The following CPA6 variants were observed in gnomAD, a reference collection of about 807,000 sequenced individuals.
CPA6 encodes carboxypeptidase B.
CPA6 carries 58 observed loss-of-function variants against 63.3 expected under a neutral mutation model. The ratio of observed to expected loss-of-function variants is 0.92; its 90% CI spans 0.74 to 1.14. The LOEUF is 1.14. Among genes scored for constraint, CPA6 ranks in the 50% most tolerant of loss-of-function variants. The pLI, the probability that CPA6 is intolerant of heterozygous loss-of-function variation, is 0.00. For synonymous variants in CPA6, 185 were observed against 179.0 expected, an observed-to-expected ratio of 1.03 and a Z score of -0.27; for missense variants, 565 against 526.6, an observed-to-expected ratio of 1.07 and a Z score of -0.71.
chr8:67,726,780 C>T (rs1817604248), intron 1 of CPA6, among the ~76,000 whole-genome samples: 1 of 152,202 alleles, frequency 6.6e-6, no homozygotes, highest in South Asian at 2.1e-4. Context: ...TCCTCTGTTT[C>T]ACATCTCTCC....
intron 2 of CPA6, among the ~76,000 whole-genome samples, chr8:67,610,194 G>A (rs1356102045): frequency 6.6e-6 from 1 of 152,034 alleles, no homozygotes; most frequent in Non-Finnish European, 1.5e-5. Context: ...GGGCAACATG[G>A]AAAGACTCTG....
At chr8:67,429,873 T>G (rs1809982084) in intron 9 of CPA6, among the ~76,000 whole-genome samples, 2 of 152,198 alleles carry the variant, frequency 1.3e-5, no homozygotes, top group South Asian at 4.1e-4. Context: ...ATGCACAGTT[T>G]TAGCCTTTTG....
At chr8:67,483,154 T>C (rs1285107942) in intron 8 of CPA6, 1 of 152,576 alleles carries the variant, frequency 6.6e-6, no homozygotes, top group Non-Finnish European at 1.5e-5. Context: ...CTTTTTCTGC[T>C]GCAAGTAAAC....
intron 6 of CPA6, among the ~76,000 whole-genome samples, chr8:67,502,411 C>T (rs541228299): frequency 1.3e-5 from 2 of 152,290 alleles, no homozygotes; most frequent in South Asian, 4.1e-4. Flanking sequence ...TGCAGTGAGC[C>T]ATAATCATGC....
At chr8:67,681,191 A>AAAGAT (rs1430493992) in intron 1 of CPA6, among the ~76,000 whole-genome samples, 1 of 134,122 alleles carries the variant, frequency 7.5e-6, no homozygotes, top group Non-Finnish European at 1.5e-5. Flanking sequence ...CCAAGGTCAC[A>AAAGAT]AAGATTTTCT....
intron 1 of CPA6, among the ~76,000 whole-genome samples, chr8:67,660,729 A>G (rs566433763): frequency 5.3e-5 from 8 of 152,172 alleles, no homozygotes; most frequent in African/African-American, 1.9e-4. Context: ...AGCCTTTGGT[A>G]TTCATATCAC....
chr8:67,568,192 T>C (rs1004061412), intron 2 of CPA6, among the ~76,000 whole-genome samples: 3 of 152,158 alleles, frequency 2.0e-5, no homozygotes, highest in Non-Finnish European at 4.4e-5. Context: ...GCCAGGAAAG[T>C]TGGCTTTCTC....
chr8:67,422,797 C>A, intron 10 of CPA6, 106 bp from the exon 11 acceptor site: 1 of 805,952 alleles, frequency 1.2e-6, no homozygotes, highest in South Asian at 2.3e-5. Context: ...TTACTAAATC[C>A]TTCCAATTAA....
intron 2 of CPA6, among the ~76,000 whole-genome samples, chr8:67,531,914 T>C (rs1812485055): frequency 6.6e-6 from 1 of 152,118 alleles, no homozygotes; most frequent in African/African-American, 2.4e-5. Context: ...TATCTATATT[T>C]AGAAATTAAA....
Position 67,643,213 on chromosome 8 carries a change from C to T in CPA6, c.117-18962G>A, listed in dbSNP as rs148504315. On this transcript the variant is annotated intron_variant, in intron 1 of 10. Coordinates refer to ENST00000297770, the MANE Select transcript of CPA6 (RefSeq NM_020361.5). ...TAAAACCACAGGAGACATCATTTCA[C>T]AACTACCAGTTTCTCAATGGAATTT... Among the ~76,000 whole-genome samples the T allele has an allele frequency of 6.0e-3, 920 of 152,248 alleles. 5 individuals carry two copies. Among genetic ancestry groups the T allele is most frequent in the Non-Finnish European group, 9.9e-3 (674 of 68,002 alleles).
At chr8:67,474,046 G>A (rs1228181772) in intron 8 of CPA6, among the ~76,000 whole-genome samples, 1 of 152,132 alleles carries the variant, frequency 6.6e-6, no homozygotes, top group African/African-American at 2.4e-5. Flanking sequence ...TGCTTTGAAT[G>A]AACCACACAC....
chr8:67,650,954 G>T (rs1434952827), intron 1 of CPA6, among the ~76,000 whole-genome samples: 3 of 152,062 alleles, frequency 2.0e-5, no homozygotes, highest in Non-Finnish European at 4.4e-5. Flanking sequence ...CAGATTTTTG[G>T]CATTTAACAG....
chr8:67,703,094 T>C (rs1163228788), intron 1 of CPA6, among the ~76,000 whole-genome samples: 2 of 152,222 alleles, frequency 1.3e-5, no homozygotes, highest in Admixed American at 6.5e-5. Flanking sequence ...TTTGGTGCCA[T>C]GTGACTTGGA....
chr8:67,607,503 G>A (rs925945780), intron 2 of CPA6, among the ~76,000 whole-genome samples: 8 of 152,056 alleles, frequency 5.3e-5, no homozygotes, highest in African/African-American at 1.9e-4. Context: ...GAATCAGCCT[G>A]ATTTTCCTGT....
chr8:67,620,822 A>G (rs1044363978), intron 2 of CPA6, among the ~76,000 whole-genome samples: 6 of 152,244 alleles, frequency 3.9e-5, no homozygotes, highest in African/African-American at 1.4e-4. Context: ...GTACAAAAAA[A>G]TTTAACAGAG....
Position 67,422,587 on chromosome 8 carries a change from C to A in CPA6, c.1231G>T (p.Glu411Ter). Residue 411 changes from glutamate to a stop codon, truncating the protein, a stop_gained, in exon 11 of 11, where the codon GAG becomes TAG. Transcript: ENST00000297770. LOFTEE classifies it high-confidence loss of function. Reference protein sequence around the residue: ...DTGYFGFLLPEMLIKPTCTET... With the variant: ...DTGYFGFLLP The stretch of plus-strand genomic sequence containing the variant: ...GTACAGGTGGGTTTGATGAGCATCT[C>A]TGGGAGTAAAAATCCAAAATATCCA... 6.2e-7 allele frequency: 1 copy of A among 1,614,116 alleles called. No homozygotes were observed. Among genetic ancestry groups the A allele is most frequent in the Non-Finnish European group, 8.5e-7 (1 of 1,180,004 alleles).
At chr8:67,646,767 G>A (rs1460126308) in intron 1 of CPA6, among the ~76,000 whole-genome samples, 1 of 152,122 alleles carries the variant, frequency 6.6e-6, no homozygotes, top group Non-Finnish European at 1.5e-5. Flanking sequence ...AGATTTGAGG[G>A]AAGAGGGCTC....
chr8:67,665,090 A>G (rs899168259), intron 1 of CPA6, among the ~76,000 whole-genome samples: 1 of 152,094 alleles, frequency 6.6e-6, no homozygotes, highest in African/African-American at 2.4e-5. Flanking sequence ...AAATCGGCAA[A>G]GTTTTCACTT....
intron 1 of CPA6, among the ~76,000 whole-genome samples, chr8:67,736,456 T>A (rs1406149554): frequency 1.3e-5 from 2 of 152,210 alleles, no homozygotes; most frequent in Non-Finnish European, 2.9e-5. Context: ...TCATGAATGA[T>A]GTCCTGAATG....
Sources: allele counts gnomAD v4.1 joint callset (sites outside exome capture counted in the v4.1 genomes callset), GRCh38; gene constraint gnomAD v4.1.1; transcripts MANE v1.5; gene names NCBI Gene and HGNC (gene_info 2026-07-23, HGNC 2026-07-21).